Variants in SEC23A observed in about 807,000 individuals in gnomAD.
SEC23A encodes protein transport protein Sec23A.
In SEC23A, 56 loss-of-function variants were observed where a neutral mutation model predicts 103.7. The observed-to-expected ratio is 0.54, with a 90% CI of 0.44 to 0.67. The LOEUF is 0.67. Among genes scored for constraint, SEC23A ranks in the 30% least tolerant of loss-of-function variants. The pLI, the probability that SEC23A is intolerant of heterozygous loss-of-function variation, is 0.00. For synonymous variants in SEC23A, 281 were observed against 293.0 expected (o/e 0.96, Z 0.42); for missense variants, 784 against 936.4 (o/e 0.84, Z 2.12).
intron 1 of SEC23A, among the ~76,000 whole-genome samples, chr14:39,102,527 A>G (rs181108933): frequency 5.3e-5 from 8 of 152,374 alleles, no homozygotes; most frequent in Admixed American, 1.3e-4. Context: ...CCAGTGAGAT[A>G]GGGCTGGTCC....
chr14:39,042,912 A>C, intron 16 of SEC23A, 40 bp from the exon 17 acceptor site: 1 of 1,215,782 alleles, frequency 8.2e-7, no homozygotes, highest in Non-Finnish European at 1.2e-6. Context: ...GAAAAAGGAA[A>C]AATAATCTAC....
chr14:39,076,658 G>A (rs534975352), intron 7 of SEC23A, among the ~76,000 whole-genome samples: 191 of 152,132 alleles, frequency 1.3e-3, no homozygotes, highest in African/African-American at 4.4e-3. Flanking sequence ...AGGCGTGGTG[G>A]CTCGCACTTG....
chr14:39,064,746 T>G (rs1324842526), intron 11 of SEC23A, 167 bp downstream of exon 11: 26 of 647,750 alleles, frequency 4.0e-5, no homozygotes, highest in Admixed American at 7.9e-5. Flanking sequence ...TTTTCTTTTT[T>G]GGGGGGATAA....
chr14:39,063,624 ATAAAAG>A (rs1249166380), intron 11 of SEC23A, among the ~76,000 whole-genome samples: 1 of 152,174 alleles, frequency 6.6e-6, no homozygotes, highest in African/African-American at 2.4e-5. Flanking sequence ...TTTTTACATA[ATAAAAG>A]TAAAATTTAA....
chr14:39,067,831 G>C (rs1436900141), intron 9 of SEC23A, among the ~76,000 whole-genome samples: 1 of 151,878 alleles, frequency 6.6e-6, no homozygotes, highest in South Asian at 2.1e-4. Context: ...AACACGCCCA[G>C]CTAATTTTTT....
chr14:39,058,494 A>G lies in SEC23A; in HGVS notation c.1506-3198T>C, dbSNP rs574568306. ...GGCTAATTTTTTGTATTTTTAGTAG[A>G]GACGGGGTTTCACCTTGTTAGCCAG... is the stretch of plus-strand genomic sequence containing the variant. On this transcript the variant is annotated intron_variant, in intron 13 of 19. Coordinates refer to ENST00000307712, the MANE Select transcript of SEC23A (RefSeq NM_006364.4). Among the ~76,000 whole-genome samples, 689 of 152,004 alleles carry G rather than the reference A, an allele frequency of 4.5e-3. 7 individuals are homozygous for G. Among genetic ancestry groups the G allele is most frequent in the African/African-American group, 0.016 (664 of 41,436 alleles).
chr14:39,048,246 A>G (rs1038806583), intron 15 of SEC23A, among the ~76,000 whole-genome samples: 7 of 152,196 alleles, frequency 4.6e-5, no homozygotes, highest in African/African-American at 1.4e-4. Context: ...TTACCTAACA[A>G]AAAGAATAAC....
Position 39,091,429 on chromosome 14 carries a change from T to C in SEC23A, c.603+48A>G, listed in dbSNP as rs183018386. 2,808 of 1,348,080 alleles carry C rather than the reference T, an allele frequency of 2.1e-3. 12 individuals are homozygous for C. Among genetic ancestry groups the C allele is most frequent in the South Asian group, 2.5e-3 (210 of 85,372 alleles). The allele number at this position is 1,348,080 out of a possible 1,614,324, so 83.5% of individuals were successfully genotyped here. The stretch of plus-strand genomic sequence containing the variant: ...CATACAGAAGGCATTTATAAACATA[T>C]ATAGAGTAATTTTCAGATAGGTAAA... On this transcript the variant is annotated intron_variant, in intron 5 of 19. Coordinates refer to ENST00000307712, the MANE Select transcript of SEC23A (RefSeq NM_006364.4).
intron 19 of SEC23A, among the ~76,000 whole-genome samples, chr14:39,034,682 G>A (rs1885404764): frequency 6.6e-6 from 1 of 152,098 alleles, no homozygotes; most frequent in South Asian, 2.1e-4. Context: ...ATACCACAGA[G>A]CTCCTGCTTG....
chr14:39,062,048 T>C (rs1321039952), intron 12 of SEC23A, among the ~76,000 whole-genome samples, 177 bp from the exon 13 acceptor site: 1 of 152,086 alleles, frequency 6.6e-6, no homozygotes, highest in Non-Finnish European at 1.5e-5. Flanking sequence ...AGAAATTAAT[T>C]TGGAGAGGAG....
In SEC23A at chr14:39,078,823, A is replaced by G. The variant is rs529354247; in HGVS notation, c.829-2730T>C. Among the ~76,000 whole-genome samples, 5 of 152,306 alleles carry G rather than the reference A, an allele frequency of 3.3e-5. No homozygotes were observed. The East Asian group carries it at 9.6e-4, about 29-fold the overall frequency. On this transcript the variant is annotated intron_variant, in intron 7 of 19. Coordinates refer to ENST00000307712, the MANE Select transcript of SEC23A (RefSeq NM_006364.4). ...AGCAAAGAAAGATATGAGGAAAAAA[A>G]TAAATATATAAAGAGATATAGAGGT...
chr14:39,078,397 C>T (rs1406935766), intron 7 of SEC23A, among the ~76,000 whole-genome samples: 2 of 152,072 alleles, frequency 1.3e-5, no homozygotes, highest in African/African-American at 4.8e-5. Context: ...CAAAAGTAAG[C>T]CCCAGATCTT....
intron 1 of SEC23A, among the ~76,000 whole-genome samples, chr14:39,098,326 T>A (rs1034442369): frequency 6.6e-6 from 1 of 152,108 alleles, no homozygotes; most frequent in Admixed American, 6.5e-5. Flanking sequence ...AGCTTCCATG[T>A]TACTGATGTG....
intron 19 of SEC23A, among the ~76,000 whole-genome samples, chr14:39,038,545 A>C (rs1301178880): frequency 6.6e-6 from 1 of 151,968 alleles, no homozygotes; most frequent in Non-Finnish European, 1.5e-5. Context: ...GAGTCTTGCT[A>C]TGTTGCCCAG....
chr14:39,066,273 C>G (rs1313442874), intron 10 of SEC23A, among the ~76,000 whole-genome samples: 2 of 151,882 alleles, frequency 1.3e-5, no homozygotes, highest in Non-Finnish European at 2.9e-5. Flanking sequence ...ATATAGCAAG[C>G]ATTCAATAAA....
chr14:39,100,482 G>A (rs994274673), intron 1 of SEC23A, among the ~76,000 whole-genome samples: 3 of 149,802 alleles, frequency 2.0e-5, no homozygotes, highest in Non-Finnish European at 2.9e-5. Context: ...GCGTGATCTC[G>A]GCTCACCGCA....
intron 7 of SEC23A, among the ~76,000 whole-genome samples, chr14:39,077,687 A>G (rs894455825): frequency 2.6e-5 from 4 of 152,060 alleles, no homozygotes; most frequent in African/African-American, 7.3e-5. Flanking sequence ...ATGAAATAAG[A>G]GAAAAGTTGT....
intron 2 of SEC23A, among the ~76,000 whole-genome samples, chr14:39,095,209 G>A (rs1396174255): frequency 1.3e-5 from 2 of 152,116 alleles, no homozygotes; most frequent in Non-Finnish European, 2.9e-5. Context: ...GAGAGGGAAT[G>A]GAAAGAGAAG....
At position 39,092,498 on chromosome 14, in the gene SEC23A, T is replaced by C. The variant is rs770989547; in HGVS notation, c.366+43A>G. The C allele has an allele frequency of 6.8e-5, 77 of 1,125,972 alleles. No homozygotes were observed. The Middle Eastern group carries it at 7.0e-4, about 10-fold the overall frequency. The allele number at this position is 1,125,972 out of a possible 1,614,324, so 69.7% of individuals were successfully genotyped here. On this transcript the variant is annotated intron_variant, in intron 4 of 19. Coordinates refer to ENST00000307712, the MANE Select transcript of SEC23A (RefSeq NM_006364.4). ...TCATAATTTAACAATTCTTTCAGTA[T>C]AAATTTTAAAACTTTCTTAAATATT...
Sources: gnomAD v4.1 joint callset for allele counts (sites outside exome capture counted in the v4.1 genomes callset) on GRCh38, gnomAD v4.1.1 for gene constraint, MANE v1.5 for transcripts, NCBI Gene and HGNC (gene_info 2026-07-23, HGNC 2026-07-21) for gene names.